The following ULK1 variants were observed in gnomAD, a reference collection of about 807,000 sequenced individuals.
ULK1 encodes serine/threonine-protein kinase ULK1.
Under a neutral mutation model 117.5 loss-of-function variants are expected in ULK1, and 48 were observed. The ratio of observed to expected loss-of-function variants is 0.41; its 90% confidence interval spans 0.32 to 0.52. The LOEUF is 0.52. Ranked by LOEUF, ULK1 falls within the 20% of genes least tolerant of loss-of-function variation. The probability of loss-of-function intolerance (pLI) is 0.29; values close to 1 mark genes in which losing one functional copy is unlikely to be tolerated. For synonymous variants in ULK1, 790 were observed against 637.8 expected (o/e 1.24, Z -3.60); for missense variants, 1,387 against 1,473.4 (o/e 0.94, Z 0.96).
rs183552164 is a variant in ULK1 at position 131,919,731 on chromosome 12, G to A, written c.2803+141G>A. 393 of 1,104,424 alleles carry A rather than the reference G, an allele frequency of 3.6e-4. 2 individuals are homozygous for A. In the African/African-American group the frequency reaches 4.6e-3, roughly 13 times the overall value. 68.4% of individuals were successfully genotyped at this position (1,104,424 alleles called of 1,614,324 possible). ...CAGAGGCCCCGGGGCCTGGCCCAGT[G>A]TGCAGAGCACAGAGGCCATTGGGTC... On this transcript the variant is annotated intron_variant, in intron 25 of 27. Transcript: ENST00000321867.
At chr12:131,916,374 T>G (rs1408239498) in intron 19 of ULK1, 24 bp from the exon 20 acceptor site, 1 of 1,545,502 alleles carries the variant, frequency 6.5e-7, no homozygotes. Context: ...CGGGGCAGTC[T>G]TCACCCCATC....
chr12:131,915,448 G>A (rs371200860), intron 18 of ULK1, 27 bp downstream of exon 18: 13 of 1,608,392 alleles, frequency 8.1e-6, no homozygotes, highest in Non-Finnish European at 1.0e-5. Flanking sequence ...GGGGGGAGGG[G>A]GTGCTAGGCT....
intron 12 of ULK1, 146 bp from the exon 13 acceptor site, chr12:131,911,796 C>A: frequency 1.8e-6 from 2 of 1,124,322 alleles, no homozygotes; most frequent in Non-Finnish European, 2.5e-6. Context: ...AAGAGCGGAG[C>A]ACAGGAAGAA....
Position 131,915,468 on chromosome 12 carries a change from C to T in ULK1, c.1609+47C>T, listed in dbSNP as rs750239163. 4.7e-5 allele frequency: 75 copies of T among 1,592,078 alleles called. 1 individual carries two copies. The highest frequency in any genetic ancestry group is 1.9e-4 in the Middle Eastern group (1 of 5,288). ...GAGGGGGTGCTAGGCTGACCTCCCTCGCTCACGTTGTCATCCTGGTCTAAA... is the reference window on the plus strand; with the variant it reads ...GAGGGGGTGCTAGGCTGACCTCCCTTGCTCACGTTGTCATCCTGGTCTAAA... On this transcript the variant is annotated intron_variant, in intron 18 of 27. Coordinates refer to ENST00000321867, the MANE Select transcript of ULK1 (RefSeq NM_003565.4).
At chr12:131,898,047 T>C (rs549367390) in intron 3 of ULK1, 1 of 152,322 alleles carries the variant, frequency 6.6e-6, no homozygotes, top group African/African-American at 2.4e-5. Context: ...TAGTTTGCGG[T>C]CCTATTTCTT....
chr12:131,910,070 G>A, intron 10 of ULK1, 69 bp downstream of exon 10: 2 of 1,587,512 alleles, frequency 1.3e-6, no homozygotes, highest in Non-Finnish European at 1.7e-6. Context: ...ATGTGAGCAG[G>A]GCCCACCGGC....
intron 5 of ULK1, 59 bp from the exon 6 acceptor site, chr12:131,908,585 G>A (rs1358982936): frequency 7.7e-6 from 11 of 1,424,788 alleles, no homozygotes; most frequent in Non-Finnish European, 1.0e-5. Flanking sequence ...TGGCTGCGCG[G>A]GACTCACCCC....
At chr12:131,910,155 C>T (rs1240386988) in intron 10 of ULK1, 99 bp from the exon 11 acceptor site, 17 of 1,576,570 alleles carry the variant, frequency 1.1e-5, no homozygotes, top group Non-Finnish European at 1.5e-5. Flanking sequence ...TCCGCCCGGG[C>T]AGGTGCCCAA....
chr12:131,904,964 C>T (rs1889217068), intron 3 of ULK1, among the ~76,000 whole-genome samples: 1 of 152,152 alleles, frequency 6.6e-6, no homozygotes, highest in Admixed American at 6.5e-5. Flanking sequence ...TTTCTCCCCA[C>T]AGCTGCTGGG....
intron 25 of ULK1, 148 bp from the exon 26 acceptor site, chr12:131,919,831 G>T: frequency 8.0e-7 from 1 of 1,246,580 alleles, no homozygotes; most frequent in Non-Finnish European, 1.1e-6. Flanking sequence ...AAGGTGCGGA[G>T]CCTGGCCACA....
In ULK1 at chr12:131,912,086, C is replaced by G. The variant is rs1193595782; in HGVS notation, c.1093C>G (p.Pro365Ala). 1.2e-6 allele frequency: 2 copies of G among 1,611,224 alleles called. No homozygotes were observed. The highest frequency in any genetic ancestry group is 8.5e-7 in the Non-Finnish European group (1 of 1,179,194). The change falls in exon 13 of 28, where the codon CCA becomes GCA. Residue 365 changes from proline (P) to alanine (A), a missense_variant. This residue lies in a region of ULK1 where 260 missense variants were observed against 271.6 expected (regional missense o/e 0.96). Transcript: ENST00000321867. ...DDFVMVPAQFPGDLVAEAPSA... is the reference protein window; with the variant it reads ...DDFVMVPAQFAGDLVAEAPSA... ...CTTCGTCATGGTCCCCGCGCAGTTT[C>G]CAGGTCAGGGGGCACGCTGGGCTTG...
chr12:131,919,851 C>T, intron 25 of ULK1, 128 bp from the exon 26 acceptor site: 1 of 1,391,566 alleles, frequency 7.2e-7, no homozygotes, highest in Non-Finnish European at 9.7e-7. Context: ...ACCCTCAAGG[C>T]CACGGGGAGC....
At position 131,916,001 on chromosome 12, in the gene ULK1, C is replaced by G. The variant is rs756363857; in HGVS notation, c.1720C>G (p.Pro574Ala). Residue 574 changes from proline to alanine, a missense_variant, in exon 19 of 28, where the codon CCC (proline) becomes GCC (alanine). Around this residue, in one of 4 missense-constraint regions of ULK1, gnomAD observed 900 missense variants for 858.9 expected, o/e 1.05. Coordinates refer to ENST00000321867, the MANE Select transcript of ULK1 (RefSeq NM_003565.4). ...HVVRPKLPKP[P>A]TDPLGAVFSP... ...CGTCCGCCCCAAGCTGCCCAAACCC[C>G]CCACGGACCCCCTGGGAGCTGTGTT... 6.8e-6 allele frequency: 11 copies of G among 1,612,410 alleles called. No homozygotes were observed. The highest frequency in any genetic ancestry group is 9.3e-6 in the Non-Finnish European group (11 of 1,179,778).
Position 131,918,571 on chromosome 12 carries a change from G to A in ULK1, c.2401G>A (p.Glu801Lys), listed in dbSNP as rs755600645. Residue 801 changes from glutamate (E) to lysine (K), a missense_variant, in exon 23 of 28, where the codon GAG (glutamate) becomes AAG (lysine). Physicochemically the swap from Glu to Lys is moderately conservative, Grantham distance 56. This residue lies in a region of ULK1 where 900 missense variants were observed against 858.9 expected (regional missense o/e 1.05). Coordinates refer to ENST00000321867, the MANE Select transcript of ULK1 (RefSeq NM_003565.4). ...PGPCSEAPAPELPAPGHGCSF... is the reference protein window; with the variant it reads ...PGPCSEAPAPKLPAPGHGCSF... ...GCCCTGCAGCGAGGCCCCAGCCCCT[G>A]AGCTCCCTGCTCCAGGACACGGCTG... 1.2e-5 allele frequency: 19 copies of A among 1,611,230 alleles called. No homozygotes were observed. The highest frequency in any genetic ancestry group is 1.5e-5 in the Non-Finnish European group (18 of 1,179,376).
chr12:131,916,364 C>T (rs199999646), intron 19 of ULK1, 34 bp from the exon 20 acceptor site: 173 of 1,533,790 alleles, frequency 1.1e-4, no homozygotes, highest in African/African-American at 2.5e-4. Context: ...TGCAGACCTG[C>T]GGGGCAGTCT....
At position 131,908,709 on chromosome 12, in the gene ULK1, C is replaced by G. The variant is rs1406274916; in HGVS notation, c.382C>G (p.Leu128Val). Residue 128 changes from leucine to valine, a missense_variant, in exon 6 of 28, where the codon CTT becomes GTT. Leu to Val is a conservative substitution (Grantham distance 32, BLOSUM62 1). Around this residue, in one of 4 missense-constraint regions of ULK1, gnomAD observed 224 missense variants for 325.2 expected, o/e 0.69. Coordinates refer to ENST00000321867, the MANE Select transcript of ULK1 (RefSeq NM_003565.4). ...GCAGCAGATCGCGGGCGCCATGCGG[C>G]TTCTGCACAGCAAAGGCATCATCCA... ...FLQQIAGAMRLLHSKGIIHRD... is the reference protein window; with the variant it reads ...FLQQIAGAMRVLHSKGIIHRD... 1.2e-6 allele frequency: 2 copies of G among 1,605,376 alleles called. No homozygotes were observed. Among genetic ancestry groups the G allele is most frequent in the Admixed American group, 1.7e-5 (1 of 59,042 alleles).
At chr12:131,910,160 G>A in intron 10 of ULK1, 94 bp from the exon 11 acceptor site, 1 of 1,582,444 alleles carries the variant, frequency 6.3e-7, no homozygotes, top group Non-Finnish European at 8.7e-7. Flanking sequence ...CCGGGCAGGT[G>A]CCCAACGCGG....
chr12:131,901,530 C>T (rs1026637082), intron 3 of ULK1, among the ~76,000 whole-genome samples: 3 of 152,136 alleles, frequency 2.0e-5, no homozygotes, highest in Admixed American at 6.5e-5. Flanking sequence ...CTCCTGTGTG[C>T]CCCCCTCCCC....
At chr12:131,905,447 C>T (rs1889237127) in intron 3 of ULK1, among the ~76,000 whole-genome samples, 1 of 152,146 alleles carries the variant, frequency 6.6e-6, no homozygotes, top group African/African-American at 2.4e-5. Flanking sequence ...AGACCCCCTC[C>T]AGACACGGCT....
Sources: gnomAD v4.1 joint callset for allele counts (sites outside exome capture counted in the v4.1 genomes callset) on GRCh38, gnomAD v4.1.1 for gene constraint, gnomAD v4.1.1 regional missense constraint, MANE v1.5 for transcripts, NCBI Gene and HGNC (gene_info 2026-07-23, HGNC 2026-07-21) for gene names.